The following KCNJ16 variants were observed in gnomAD, a reference collection of about 807,000 sequenced individuals.
KCNJ16 encodes inward rectifier potassium channel 16.
KCNJ16 carries 15 observed loss-of-function variants against 18.5 expected under a neutral mutation model. The observed-to-expected ratio is 0.81, with a 90% confidence interval of 0.54 to 1.25. The LOEUF (loss-of-function observed/expected upper bound fraction) is 1.25. KCNJ16 is among the 50% of genes most tolerant of loss of function. The pLI is 0.00. For missense variants in KCNJ16, 523 were observed against 525.7 expected (o/e 0.99, Z 0.05); for synonymous variants, 174 against 186.5 (o/e 0.93, Z 0.55).
At chr17:70,102,684 C>T (rs189225623) in intron 2 of KCNJ16, among the ~76,000 whole-genome samples, 25 of 152,294 alleles carry the variant, frequency 1.6e-4, no homozygotes, top group African/African-American at 6.0e-4. Context: ...ACATCCTTTC[C>T]CATCCATCAC....
chr17:70,133,276 T>A lies in KCNJ16; in HGVS notation c.1189T>A (p.Tyr397Asn). The change falls in exon 4 of 4, where the codon TAT becomes AAT. Residue 397 changes from tyrosine to asparagine, a missense_variant. Tyr to Asn is a moderately radical substitution (Grantham distance 143). Coordinates refer to ENST00000392671, the MANE Select transcript of KCNJ16 (RefSeq NM_170741.4). Reference protein sequence around the residue: ...EETTTSATHEYRETPYQKALL... With the variant: ...EETTTSATHENRETPYQKALL... The stretch of plus-strand genomic sequence containing the variant: ...GACCACCACTTCCGCCACACATGAA[T>A]ATAGGGAAACACCTTATCAGAAAGC... 1 of 1,614,144 alleles carries A rather than the reference T, an allele frequency of 6.2e-7. No individual in the cohort carries two copies. Among genetic ancestry groups the A allele is most frequent in the Non-Finnish European group, 8.5e-7 (1 of 1,179,992 alleles).
intron 1 of KCNJ16, among the ~76,000 whole-genome samples, chr17:70,089,431 CTCA>C (rs1407893230): frequency 5.3e-5 from 8 of 152,086 alleles, no homozygotes; most frequent in Non-Finnish European, 1.2e-4. Context: ...TTATTTAACT[CTCA>C]GCATTTCCAG....
Position 70,133,439 on chromosome 17 carries a change from T to A in KCNJ16, c.*95T>A. ...GTGGCTTTTTTGAAAGTGTTATGGCTATGTTTTATGATGATGCTGGGTAAG... is the reference window on the plus strand; with the variant it reads ...GTGGCTTTTTTGAAAGTGTTATGGCAATGTTTTATGATGATGCTGGGTAAG... On this transcript the variant is annotated 3_prime_UTR_variant, in exon 4 of 4. Transcript: ENST00000392671. 1 of 968,678 alleles carries A rather than the reference T, an allele frequency of 1.0e-6. No individual in the cohort carries two copies. The highest frequency in any genetic ancestry group is 1.6e-6 in the Non-Finnish European group (1 of 643,058). 60.0% of individuals were successfully genotyped at this position (968,678 alleles called of 1,614,324 possible).
intron 1 of KCNJ16, among the ~76,000 whole-genome samples, chr17:70,088,623 T>G (rs1249348879): frequency 6.6e-6 from 1 of 152,222 alleles, no homozygotes; most frequent in African/African-American, 2.4e-5. Flanking sequence ...TCATTAAATT[T>G]TGTCCTCTAT....
At chr17:70,123,667 A>G (rs2073740103) in intron 2 of KCNJ16, among the ~76,000 whole-genome samples, 2 of 152,312 alleles carry the variant, frequency 1.3e-5, no homozygotes, top group Admixed American at 6.5e-5. Flanking sequence ...AATAAATACA[A>G]TGAGGCTTAC....
chr17:70,122,624 T>G (rs1165727551), intron 2 of KCNJ16, among the ~76,000 whole-genome samples: 1 of 152,190 alleles, frequency 6.6e-6, no homozygotes, highest in Non-Finnish European at 1.5e-5. Flanking sequence ...GCATCAAATA[T>G]AAGAAGATAC....
intron 2 of KCNJ16, among the ~76,000 whole-genome samples, chr17:70,106,517 A>G (rs934103366): frequency 6.6e-6 from 1 of 152,210 alleles, no homozygotes. Flanking sequence ...TCTCAGTAAT[A>G]TACCAAGTGG....
intron 3 of KCNJ16, 112 bp from the exon 4 acceptor site, chr17:70,131,883 G>T (rs1044143244): frequency 6.7e-5 from 61 of 906,848 alleles, no homozygotes; most frequent in Non-Finnish European, 8.6e-5. Context: ...CTAATGTTCA[G>T]ATGAAGTCGT....
intron 2 of KCNJ16, chr17:70,105,149 T>C (rs549599700): frequency 6.6e-6 from 1 of 152,366 alleles, no homozygotes; most frequent in Non-Finnish European, 1.5e-5. Flanking sequence ...AGCTCATCCT[T>C]TTTGCATGTA....
At chr17:70,106,830 G>A (rs1432570211) in intron 2 of KCNJ16, among the ~76,000 whole-genome samples, 2 of 152,178 alleles carry the variant, frequency 1.3e-5, no homozygotes, top group East Asian at 1.9e-4. Flanking sequence ...TGGGGGTCGA[G>A]AAGAAAGTTA....
At chr17:70,090,719 A>G (rs1424228516) in intron 1 of KCNJ16, among the ~76,000 whole-genome samples, 3 of 150,900 alleles carry the variant, frequency 2.0e-5, no homozygotes, top group African/African-American at 7.4e-5. Flanking sequence ...CAATACCGCT[A>G]ACCCACTCAC....
chr17:70,077,231 C>T (rs778795459), intron 1 of KCNJ16, among the ~76,000 whole-genome samples: 21 of 152,088 alleles, frequency 1.4e-4, no homozygotes, highest in Non-Finnish European at 2.2e-4. Context: ...AAGACAGATA[C>T]GATTCTGCAA....
chr17:70,106,477 G>A (rs1834012231), intron 2 of KCNJ16, among the ~76,000 whole-genome samples: 1 of 152,158 alleles, frequency 6.6e-6, no homozygotes, highest in Non-Finnish European at 1.5e-5. Context: ...GAAACTGATA[G>A]AGAGAGTGAT....
chr17:70,116,034 T>C (rs539334635), intron 2 of KCNJ16, among the ~76,000 whole-genome samples: 1 of 152,300 alleles, frequency 6.6e-6, no homozygotes, highest in South Asian at 2.1e-4. Context: ...CCTTTTTTCT[T>C]TCTGCAAAAG....
intron 2 of KCNJ16, among the ~76,000 whole-genome samples, chr17:70,102,664 T>A (rs2072697838): frequency 6.6e-6 from 1 of 152,144 alleles, no homozygotes; most frequent in African/African-American, 2.4e-5. Flanking sequence ...TTAACCCCAC[T>A]TGGACCTCCA....
At chr17:70,095,994 T>G (rs1180431030) in intron 1 of KCNJ16, among the ~76,000 whole-genome samples, 1 of 143,888 alleles carries the variant, frequency 6.9e-6, no homozygotes, top group East Asian at 2.3e-4. Context: ...ACCATTCTCC[T>G]GCCTCAGCCT....
At chr17:70,125,881 G>A (rs1201046505) in intron 2 of KCNJ16, among the ~76,000 whole-genome samples, 2 of 151,784 alleles carry the variant, frequency 1.3e-5, no homozygotes, top group African/African-American at 2.4e-5. Context: ...GCAGTGAGCC[G>A]AGATCGCACC....
At position 70,117,491 on chromosome 17, in the gene KCNJ16, C is replaced by T. The variant is rs151091085; in HGVS notation, c.-190-13388C>T. Among the ~76,000 whole-genome samples the T allele has an allele frequency of 4.6e-3, 705 of 152,186 alleles. 10 individuals are homozygous for T. Among genetic ancestry groups the T allele is most frequent in the African/African-American group, 0.016 (679 of 41,520 alleles). ...TAATATAAAATTTCATACTGAACTCCGTTATCAGTCCTGAGGAAGACGATA... is the reference window on the plus strand; with the variant it reads ...TAATATAAAATTTCATACTGAACTCTGTTATCAGTCCTGAGGAAGACGATA... On this transcript the variant is annotated intron_variant, in intron 2 of 3. Transcript: ENST00000392671.
At chr17:70,121,858 T>C (rs1297081071) in intron 2 of KCNJ16, among the ~76,000 whole-genome samples, 1 of 151,744 alleles carries the variant, frequency 6.6e-6, no homozygotes, top group Admixed American at 6.6e-5. Flanking sequence ...AGCTACGAGG[T>C]TGAGGTATGA....
Sources: gnomAD v4.1 joint callset for allele counts (sites outside exome capture counted in the v4.1 genomes callset) on GRCh38, gnomAD v4.1.1 for gene constraint, MANE v1.5 for transcripts, NCBI Gene and HGNC (gene_info 2026-07-23, HGNC 2026-07-21) for gene names.